The following TRAF6 variants were observed in gnomAD, a reference collection of about 807,000 sequenced individuals.
TRAF6 encodes TNF receptor-associated factor 6.
TRAF6 carries 10 observed loss-of-function variants against 48.4 expected under a neutral mutation model. That is an observed-to-expected ratio of 0.21 (90% CI 0.13 to 0.35). TRAF6 has a LOEUF of 0.35. Ranked by LOEUF, TRAF6 falls within the 10% of genes least tolerant of loss-of-function variation. The probability of loss-of-function intolerance (pLI) is 1.00; values close to 1 mark genes in which losing one functional copy is unlikely to be tolerated. For synonymous variants in TRAF6, 186 were observed against 219.6 expected (o/e 0.85, Z 1.35); for missense variants, 397 against 661.0 (o/e 0.60, Z 4.38).
In TRAF6 at chr11:36,507,664, CGCGCGTGTATATATGTATACATACACGA is replaced by C. The variant is rs1859819161; in HGVS notation, c.-23+2356_-23+2383del. On this transcript the variant is annotated intron_variant, in intron 1 of 6. Coordinates refer to ENST00000526995, the MANE Select transcript of TRAF6 (RefSeq NM_004620.4). ...GCGTGTATATATGTATACATACACA[CGCGCGTGTATATATGTATACATACACGA>C]GCGTGTATATATGTATACATACACG... Among the ~76,000 whole-genome samples, 2 of 25,538 alleles carry C rather than the reference CGCGCGTGTATATATGTATACATACACGA, an allele frequency of 7.8e-5. 1 individual carries two copies. The highest frequency in any genetic ancestry group is 2.3e-4 in the African/African-American group (2 of 8,744). The allele number at this position is 25,538 out of a possible 152,430, so 16.8% of individuals were successfully genotyped here.
chr11:36,492,920 G>C (rs754568689), intron 5 of TRAF6, among the ~76,000 whole-genome samples: 1 of 152,032 alleles, frequency 6.6e-6, no homozygotes, highest in Non-Finnish European at 1.5e-5. Context: ...GCACTTTACA[G>C]AAAAAACACC....
At chr11:36,504,087 A>AT (rs1229253032) in intron 1 of TRAF6, among the ~76,000 whole-genome samples, 1 of 152,116 alleles carries the variant, frequency 6.6e-6, no homozygotes, top group Non-Finnish European at 1.5e-5. Flanking sequence ...GAGCTATAAT[A>AT]TTTTTTGCTG....
At chr11:36,508,136 C>G (rs1376229719) in intron 1 of TRAF6, among the ~76,000 whole-genome samples, 1 of 152,000 alleles carries the variant, frequency 6.6e-6, no homozygotes, top group African/African-American at 2.4e-5. Flanking sequence ...AGCCATTATG[C>G]CAGGCCTAAA....
At chr11:36,497,954 G>A (rs1165083139) in intron 3 of TRAF6, among the ~76,000 whole-genome samples, 2 of 150,290 alleles carry the variant, frequency 1.3e-5, no homozygotes, top group Admixed American at 6.6e-5. Flanking sequence ...GCGTGATCTC[G>A]GCTCACTGCA....
At chr11:36,506,806 T>C (rs865850921) in intron 1 of TRAF6, among the ~76,000 whole-genome samples, 8 of 152,202 alleles carry the variant, frequency 5.3e-5, no homozygotes, top group Admixed American at 2.6e-4. Flanking sequence ...TAAGATGCAA[T>C]CCAGAAGCTT....
At chr11:36,496,114 G>C (rs1262815314) in intron 4 of TRAF6, among the ~76,000 whole-genome samples, 4 of 152,090 alleles carry the variant, frequency 2.6e-5, no homozygotes, top group Non-Finnish European at 4.4e-5. Context: ...ATTATATGTA[G>C]GTTATTTTAT....
intron 1 of TRAF6, among the ~76,000 whole-genome samples, chr11:36,504,030 A>G (rs1235146934): frequency 6.6e-6 from 1 of 152,212 alleles, no homozygotes; most frequent in African/African-American, 2.4e-5. Flanking sequence ...CTTAATTTAA[A>G]AACACCTTAT....
intron 2 of TRAF6, among the ~76,000 whole-genome samples, chr11:36,499,331 C>T (rs1179357745): frequency 6.6e-6 from 1 of 151,840 alleles, no homozygotes; most frequent in African/African-American, 2.4e-5. Flanking sequence ...CTTGAGTGAA[C>T]ATACTCAATG....
chr11:36,497,861 C>A (rs1859661366), intron 3 of TRAF6, among the ~76,000 whole-genome samples: 1 of 149,816 alleles, frequency 6.7e-6, no homozygotes, highest in African/African-American at 2.4e-5. Flanking sequence ...AATGAAATTG[C>A]AAGATTAAAA....
At position 36,490,506 on chromosome 11, in the gene TRAF6, G is replaced by A; in HGVS notation, c.901C>T (p.Gln301Ter). The part of the protein sequence containing the change: ...EVRNFQETIH[Q>*]LEGRLVRQDH... Reference sequence around the variant, plus strand: ...TGTCTTACAAGGCGACCCTCTAACTGGTGAATAGTTTCCTGGAAATTCCGG... The same window carrying A: ...TGTCTTACAAGGCGACCCTCTAACTAGTGAATAGTTTCCTGGAAATTCCGG... The change falls in exon 7 of 7, where the codon CAG becomes TAG. Residue 301 changes from glutamine (Q) to a stop codon, truncating the protein, a stop_gained. Transcript: ENST00000526995. LOFTEE classifies it high-confidence loss of function. This position sits in a 1 kb window ranked among gnomAD's most constrained non-coding sequence, Gnocchi z 6.4. The A allele has an allele frequency of 6.2e-7, 1 of 1,613,856 alleles. No individual in the cohort carries two copies. The highest frequency in any genetic ancestry group is 8.5e-7 in the Non-Finnish European group (1 of 1,180,028).
intron 2 of TRAF6, 25 bp from the exon 3 acceptor site, chr11:36,498,665 T>C (rs144046036): frequency 1.3e-6 from 2 of 1,583,724 alleles, no homozygotes; most frequent in Non-Finnish European, 1.7e-6. Flanking sequence ...ATACACACAA[T>C]TAGATTTAAA....
intron 3 of TRAF6, 123 bp from the exon 4 acceptor site, chr11:36,497,389 C>T: frequency 2.4e-6 from 2 of 825,330 alleles, no homozygotes; most frequent in East Asian, 3.1e-5. Flanking sequence ...TAATGCACAC[C>T]ACAGAACCAT....
At position 36,489,659 on chromosome 11, in the gene TRAF6, A is replaced by G; in HGVS notation, c.*179T>C. On this transcript the variant is annotated 3_prime_UTR_variant, in exon 7 of 7. Transcript: ENST00000526995. ...AAAAGCATGGAACGTGTGGATTCCC[A>G]GGAAAAAACTGCCTCAGATCATTTG... 2.8e-6 allele frequency: 2 copies of G among 715,276 alleles called. No individual in the cohort carries two copies. Among genetic ancestry groups the G allele is most frequent in the South Asian group, 4.0e-5 (2 of 49,384 alleles). 44.3% of individuals were successfully genotyped at this position (715,276 alleles called of 1,614,324 possible). A position where few individuals can be genotyped will look rare whatever the true frequency, so the allele number is the denominator to read the frequency against.
At position 36,487,942 on chromosome 11, in the gene TRAF6, G is replaced by A. The variant is rs1424051046; in HGVS notation, c.*1896C>T. The stretch of plus-strand genomic sequence containing the variant: ...AAAGTACACATTTATTGTAGAAAAT[G>A]TAAAAAATATAAGCAAGCGCAAAGG... On this transcript the variant is annotated 3_prime_UTR_variant, in exon 7 of 7. Transcript: ENST00000526995. The A allele has an allele frequency of 1.3e-5, 2 of 152,156 alleles. No individual in the cohort carries two copies. The highest frequency in any genetic ancestry group is 2.9e-5 in the Non-Finnish European group (2 of 68,020). 9.4% of individuals were successfully genotyped at this position (152,156 alleles called of 1,614,324 possible).
chr11:36,497,045 G>A, intron 4 of TRAF6, 63 bp downstream of exon 4: 1 of 1,550,304 alleles, frequency 6.5e-7, no homozygotes, highest in Non-Finnish European at 8.8e-7. Flanking sequence ...ACCCCCTCAA[G>A]TACACATTTA....
rs1859443731 is a variant in TRAF6 at position 36,483,847 on chromosome 11, T to C, written c.*5991A>G. The stretch of plus-strand genomic sequence containing the variant: ...GCAGTACATAGGGCTGGTAAGGAAG[T>C]AGTAACAGTGCGGAGGGGGTAAGTA... On this transcript the variant is annotated 3_prime_UTR_variant, in exon 7 of 7. Transcript: ENST00000526995. 6.6e-6 allele frequency among the ~76,000 whole-genome samples: 1 copy of C among 152,278 alleles called. No individual in the cohort carries two copies. The highest frequency in any genetic ancestry group is 1.9e-4 in the East Asian group (1 of 5,188).
At chr11:36,507,889 T>G (rs1179730018) in intron 1 of TRAF6, among the ~76,000 whole-genome samples, 1 of 148,440 alleles carries the variant, frequency 6.7e-6, no homozygotes, top group East Asian at 2.0e-4. Context: ...AGGGTCCTGC[T>G]CTATTGCCCA....
chr11:36,492,606 T>A lies in TRAF6; in HGVS notation c.701A>T (p.Asp234Val), dbSNP rs1291857212. ...REQMPNHYDL[D>V]CPTAPIPCTF... ...GCATGGAATTGGGGCTGTAGGGCAG[T>A]CTAGATCATAATGATTAGGCATCTG... Residue 234 changes from aspartate (D) to valine (V), a missense_variant, in exon 6 of 7, where the codon GAC becomes GTC. Around this residue, in one of 4 missense-constraint regions of TRAF6, gnomAD observed 245 missense variants for 349.1 expected, o/e 0.70. Coordinates refer to ENST00000526995, the MANE Select transcript of TRAF6 (RefSeq NM_004620.4). 1 of 1,611,000 alleles carries A rather than the reference T, an allele frequency of 6.2e-7. No homozygotes were observed. The highest frequency in any genetic ancestry group is 8.5e-7 in the Non-Finnish European group (1 of 1,179,272).
chr11:36,495,098 T>G, intron 4 of TRAF6, 51 bp from the exon 5 acceptor site: 1 of 1,390,092 alleles, frequency 7.2e-7, no homozygotes, highest in Non-Finnish European at 1.0e-6. Flanking sequence ...TCTGAAAAAG[T>G]GAAAACAACT....
Sources: allele counts gnomAD v4.1 joint callset (sites outside exome capture counted in the v4.1 genomes callset), GRCh38; gene constraint gnomAD v4.1.1; regional missense constraint gnomAD v4.1.1; non-coding constraint Gnocchi (gnomAD v3.1); transcripts MANE v1.5; gene names NCBI Gene and HGNC (gene_info 2026-07-23, HGNC 2026-07-21).